The following SLCO5A1 variants were observed in gnomAD, a reference collection of about 807,000 sequenced individuals.
The protein encoded by SLCO5A1 is organic anion transporter polypeptide-related protein 4.
SLCO5A1 carries 39 observed loss-of-function variants against 65.1 expected under a neutral mutation model. The ratio of observed to expected loss-of-function variants is 0.60; its 90% CI spans 0.46 to 0.78. The LOEUF is 0.78. Among genes scored for constraint, SLCO5A1 ranks in the 30% least tolerant of loss-of-function variants. The pLI is 0.00. For synonymous variants in SLCO5A1, 438 were observed against 415.7 expected, an observed-to-expected ratio of 1.05 and a Z score of -0.65; for missense variants, 1,029 against 1,069.4, an observed-to-expected ratio of 0.96 and a Z score of 0.53.
chr8:69,832,018 G>A lies in SLCO5A1; in HGVS notation c.656C>T (p.Ser219Leu), dbSNP rs981189345. 1 of 1,603,822 alleles carries A rather than the reference G, an allele frequency of 6.2e-7. No individual in the cohort carries two copies. The highest frequency in any genetic ancestry group is 8.5e-7 in the Non-Finnish European group (1 of 1,175,204). ...CAACTCTTGGATCTGGTAGGGGGGC[G>A]AGATGAAGTGAGGTAAGGCGAAGAG... ...AALFALPHFISPPYQIQELNA... is the reference protein window; with the variant it reads ...AALFALPHFILPPYQIQELNA... The change falls in exon 2 of 10, where the codon TCG (serine) becomes TTG (leucine). Residue 219 changes from serine (S) to leucine (L), a missense_variant. Ser to Leu is a moderately radical substitution (Grantham distance 145). Coordinates refer to ENST00000260126, the MANE Select transcript of SLCO5A1 (RefSeq NM_030958.3). This position sits in a 1 kb window ranked among gnomAD's most constrained non-coding sequence, Gnocchi z 4.5.
intron 2 of SLCO5A1, among the ~76,000 whole-genome samples, chr8:69,779,464 A>T (rs910377679): frequency 6.6e-6 from 1 of 152,226 alleles, no homozygotes; most frequent in Non-Finnish European, 1.5e-5. Context: ...GGTTCAACTT[A>T]TAAAGGCATA....
intron 2 of SLCO5A1, among the ~76,000 whole-genome samples, chr8:69,772,588 GGAAAGGAAAGGAAAGGAAA>G (rs1308351349): frequency 1.7e-4 from 20 of 120,606 alleles, no homozygotes; most frequent in Non-Finnish European, 2.6e-4. Flanking sequence ...GGAAAGGAAA[GGAAAGGAAAGGAAAGGAAA>G]GGAAAGGAAA....
chr8:69,761,593 G>T, intron 3 of SLCO5A1, 150 bp downstream of exon 3: 1 of 725,278 alleles, frequency 1.4e-6, no homozygotes, highest in Non-Finnish European at 2.2e-6. Context: ...AGCTTTCTTT[G>T]GGATGTTATT....
intron 5 of SLCO5A1, among the ~76,000 whole-genome samples, chr8:69,714,676 C>T (rs1428637433): frequency 3.9e-5 from 6 of 152,202 alleles, no homozygotes; most frequent in African/African-American, 1.4e-4. Context: ...CTAGCGTAGC[C>T]TTGCTGAAAT....
In SLCO5A1 at chr8:69,676,658, C is replaced by T. The variant is rs766055860; in HGVS notation, c.2040G>A (p.Glu680=). 2.0e-5 allele frequency: 33 copies of T among 1,612,066 alleles called. No individual in the cohort carries two copies. In the African/African-American group the frequency reaches 3.7e-4, roughly 18 times the overall value. ...GCATTCCCAGTGCAAAAGGTCTCTC[C>T]TCATCTTCTACGGACCTACAGTGAA... ...IIVTLRSVED[E]ERPFALGMQF... is the part of the protein sequence containing the mutation. The change falls in exon 9 of 10, where the codon GAG becomes GAA. Residue 680 remains glutamate (E), a synonymous_variant. Transcript: ENST00000260126.
chr8:69,743,513 A>G (rs894562276), intron 4 of SLCO5A1, among the ~76,000 whole-genome samples: 1 of 152,170 alleles, frequency 6.6e-6, no homozygotes, highest in Non-Finnish European at 1.5e-5. Context: ...TATTTGGATG[A>G]GCAAAGCTTA....
intron 6 of SLCO5A1, among the ~76,000 whole-genome samples, chr8:69,698,578 G>A (rs1166624671): frequency 6.6e-6 from 1 of 152,158 alleles, no homozygotes; most frequent in Non-Finnish European, 1.5e-5. Context: ...ATGTCACTGT[G>A]GATTTGATTT....
At chr8:69,797,168 A>G (rs1376474080) in intron 2 of SLCO5A1, among the ~76,000 whole-genome samples, 1 of 152,204 alleles carries the variant, frequency 6.6e-6, no homozygotes, top group Non-Finnish European at 1.5e-5. Context: ...ATACTTTTAT[A>G]ATTTCTTATG....
At chr8:69,698,491 C>G (rs1482442302) in intron 6 of SLCO5A1, among the ~76,000 whole-genome samples, 1 of 152,170 alleles carries the variant, frequency 6.6e-6, no homozygotes, top group Non-Finnish European at 1.5e-5. Flanking sequence ...TAAGCATTTC[C>G]TCTTCTCCAC....
intron 2 of SLCO5A1, among the ~76,000 whole-genome samples, chr8:69,790,586 G>A (rs999188184): frequency 2.0e-5 from 3 of 152,104 alleles, no homozygotes; most frequent in Admixed American, 6.5e-5. Context: ...GCTGCAGTGA[G>A]CTATGCTTGT....
chr8:69,729,136 C>T lies in SLCO5A1; in HGVS notation c.1423+8904G>A, dbSNP rs373082245. ...CTCCCAATGGCCAAAGATTGGGCAA[C>T]TGGAGCATCAAAAAGAATGATAACT... is the stretch of plus-strand genomic sequence containing the variant. On this transcript the variant is annotated intron_variant, in intron 5 of 9. Coordinates refer to ENST00000260126, the MANE Select transcript of SLCO5A1 (RefSeq NM_030958.3). Among the ~76,000 whole-genome samples the T allele has an allele frequency of 5.2e-4, 79 of 152,212 alleles. 1 individual carries two copies. In the East Asian group the frequency reaches 9.8e-3, roughly 19 times the overall value.
intron 4 of SLCO5A1, among the ~76,000 whole-genome samples, chr8:69,738,946 G>A (rs1816681436): frequency 6.6e-6 from 1 of 152,120 alleles, no homozygotes; most frequent in Non-Finnish European, 1.5e-5. Flanking sequence ...ATTTTCATTG[G>A]AGCATAATTT....
At chr8:69,797,179 C>T (rs1051248709) in intron 2 of SLCO5A1, among the ~76,000 whole-genome samples, 1 of 152,160 alleles carries the variant, frequency 6.6e-6, no homozygotes, top group African/African-American at 2.4e-5. Flanking sequence ...ATTTCTTATG[C>T]CTGTCTTTAC....
intron 2 of SLCO5A1, among the ~76,000 whole-genome samples, chr8:69,820,789 T>C (rs1015051672): frequency 6.6e-6 from 1 of 152,212 alleles, no homozygotes; most frequent in Admixed American, 6.5e-5. Flanking sequence ...ATTAAAATCA[T>C]ATATGTGTAC....
chr8:69,682,121 T>A (rs1813809422), intron 7 of SLCO5A1, 63 bp downstream of exon 7: 4 of 1,527,570 alleles, frequency 2.6e-6, no homozygotes, highest in Non-Finnish European at 3.5e-6. Flanking sequence ...GCATAGGAAT[T>A]TCATCACATC....
intron 6 of SLCO5A1, among the ~76,000 whole-genome samples, chr8:69,683,233 G>A (rs1282413204): frequency 6.6e-6 from 1 of 152,148 alleles, no homozygotes; most frequent in Non-Finnish European, 1.5e-5. Flanking sequence ...CGTACCCCAT[G>A]ACCGCTTTTG....
At chr8:69,686,238 A>AAAAAAAAAAAAAAAAG (rs1159085565) in intron 6 of SLCO5A1, among the ~76,000 whole-genome samples, 12 of 151,852 alleles carry the variant, frequency 7.9e-5, no homozygotes, top group African/African-American at 2.7e-4. Context: ...CAGCAAAAAA[A>AAAAAAAAAAAAAAAAG]AGAGAGAGAA....
intron 2 of SLCO5A1, among the ~76,000 whole-genome samples, chr8:69,815,059 G>T (rs113734763): frequency 1.3e-3 from 193 of 152,220 alleles, no homozygotes; most frequent in Non-Finnish European, 2.5e-3. Context: ...AAAATTTCAG[G>T]GAGGAGAAAT....
At chr8:69,748,430 C>T (rs1011895744) in intron 4 of SLCO5A1, among the ~76,000 whole-genome samples, 1 of 152,176 alleles carries the variant, frequency 6.6e-6, no homozygotes, top group Non-Finnish European at 1.5e-5. Context: ...CCTTTCACCT[C>T]CTAAGCTGCA....
Sources: allele counts gnomAD v4.1 joint callset (sites outside exome capture counted in the v4.1 genomes callset), GRCh38; gene constraint gnomAD v4.1.1; non-coding constraint Gnocchi (gnomAD v3.1); transcripts MANE v1.5; gene names NCBI Gene and HGNC (gene_info 2026-07-23, HGNC 2026-07-21).